ARR3: variants seen among roughly 807,000 people sequenced by gnomAD.
ARR3 encodes arrestin-C.
ARR3 carries 14 observed loss-of-function variants against 35.4 expected under a neutral mutation model. The ratio of observed to expected loss-of-function variants is 0.40; its 90% CI spans 0.26 to 0.62. ARR3 has a LOEUF of 0.62. Among genes scored for constraint, ARR3 ranks in the 20% least tolerant of loss-of-function variants. The pLI is 0.46. For synonymous variants in ARR3, 97 were observed against 119.1 expected (o/e 0.81, Z 1.21); for missense variants, 259 against 303.8 (o/e 0.85, Z 1.10).
intron 5 of ARR3, among the ~76,000 whole-genome samples, chrX:70,275,585 A>G (rs1447540134): frequency 2.7e-5 from 3 of 110,249 alleles, no homozygotes; most frequent in African/African-American, 6.6e-5. Context: ...AAGACTTTAT[A>G]AAGACTTTTA....
chrX:70,281,876 G>C (rs777133693), downstream of ARR3: 160 of 651,862 alleles, frequency 2.5e-4, no homozygotes, highest in South Asian at 4.4e-3. Flanking sequence ...CTTCCTGGAG[G>C]GTCACGGAAC....
intron 5 of ARR3, among the ~76,000 whole-genome samples, chrX:70,272,564 A>G (rs1177054646): frequency 8.9e-6 from 1 of 112,440 alleles, no homozygotes; most frequent in Non-Finnish European, 1.9e-5. Context: ...TGTAATGCAC[A>G]TCCTTTTCAT....
intron 16 of ARR3, among the ~76,000 whole-genome samples, 183 bp from the exon 17 acceptor site, chrX:70,281,493 G>A (rs755936845): frequency 3.6e-5 from 4 of 111,120 alleles, no homozygotes; most frequent in East Asian, 2.8e-4. Flanking sequence ...AAATTTGGGC[G>A]GGAATGAAAG....
chrX:70,276,253 G>T lies in ARR3; in HGVS notation c.317G>T (p.Gly106Val), dbSNP rs752825836. ...CAGGAGCGACTACTGCACAAGCTAG[G>T]GGACAATGCCTACCCCTTTACCCTG... Reference protein sequence around the residue: ...VLQERLLHKLGDNAYPFTLQM... With the variant: ...VLQERLLHKLVDNAYPFTLQM... The change falls in exon 6 of 17, where the codon GGG becomes GTG. Residue 106 changes from glycine (G) to valine (V), a missense_variant. Physicochemically the swap from Gly to Val is moderately radical, Grantham distance 109. Transcript: ENST00000307959. The T allele has an allele frequency of 2.7e-5, 33 of 1,210,147 alleles. No individual in the cohort carries two copies. In the Admixed American group the frequency reaches 5.0e-4, roughly 18 times the overall value.
At position 70,276,146 on chromosome X, in the gene ARR3, G is replaced by A. The variant is rs753394344; in HGVS notation, c.210G>A (p.Thr70=). The change falls in exon 6 of 17, where the codon ACG becomes ACA. Residue 70 remains threonine (T), a synonymous_variant. Coordinates refer to ENST00000307959, the MANE Select transcript of ARR3 (RefSeq NM_004312.3). The part of the protein sequence containing the change: ...GRDDLEVIGL[T]FRKDLYVQTL... ...ATGACTTGGAAGTGATTGGTCTGACGTTCCGAAAAGATCTGTATGTGCAGA... is the reference window on the plus strand; with the variant it reads ...ATGACTTGGAAGTGATTGGTCTGACATTCCGAAAAGATCTGTATGTGCAGA... The A allele has an allele frequency of 3.0e-5, 36 of 1,209,979 alleles. 1 individual carries two copies. In the South Asian group the frequency reaches 5.5e-4, roughly 18 times the overall value.
At chrX:70,281,242 T>C in intron 16 of ARR3, 134 bp downstream of exon 16, 3 of 809,881 alleles carry the variant, frequency 3.7e-6, no homozygotes, top group Non-Finnish European at 5.3e-6. Context: ...ATGGCTTAGC[T>C]TCGTGTCACA....
rs767718010 is a variant in ARR3, at chrX:70,278,187, G to C, written c.767+49G>C. On this transcript the variant is annotated intron_variant, in intron 11 of 16. Transcript: ENST00000307959. ...CCAGAGAGCCAAGGGGTGGGGTGGT[G>C]GGAAGAGGTCCAGGAGGCAGTTGAG... is the stretch of plus-strand genomic sequence containing the variant. The C allele has an allele frequency of 2.5e-5, 28 of 1,113,676 alleles. No homozygotes were observed. The Admixed American group carries it at 6.1e-4, about 24-fold the overall frequency. The allele number at this position is 1,113,676 out of a possible 1,213,427, so 91.8% of individuals were successfully genotyped here. A position where few individuals can be genotyped will look rare whatever the true frequency, so the allele number is the denominator to read the frequency against.
intron 5 of ARR3, 48 bp downstream of exon 5, chrX:70,270,192 C>T (rs752067180): frequency 5.2e-6 from 6 of 1,145,311 alleles, no homozygotes; most frequent in South Asian, 1.8e-5. Context: ...ACAGGTAACC[C>T]GATGAGTGGA....
At chrX:70,276,855 AC>A in intron 8 of ARR3, 119 bp downstream of exon 8, 3 of 649,792 alleles carry the variant, frequency 4.6e-6, no homozygotes, top group Non-Finnish European at 7.0e-6. Flanking sequence ...CACCAGTGAC[AC>A]CCGGTTCTGA....
At chrX:70,275,127 T>C (rs2085646719) in intron 5 of ARR3, among the ~76,000 whole-genome samples, 1 of 112,602 alleles carries the variant, frequency 8.9e-6, no homozygotes, top group African/African-American at 3.2e-5. Context: ...AGTCAACTTA[T>C]TAGCTCATAC....
At chrX:70,278,663 A>G in intron 12 of ARR3, 22 bp downstream of exon 12, 7 of 1,198,696 alleles carry the variant, frequency 5.8e-6, no homozygotes, top group Non-Finnish European at 7.9e-6. Flanking sequence ...TATAACTCTC[A>G]GCCTCCATTT....
intron 5 of ARR3, among the ~76,000 whole-genome samples, chrX:70,274,261 G>GTC (rs2085642875): frequency 9.5e-6 from 1 of 105,421 alleles, no homozygotes; most frequent in Admixed American, 1.0e-4. Flanking sequence ...GAGGGCAGTG[G>GTC]TGCAATCTCA....
In ARR3 at chrX:70,280,576, C is replaced by A; in HGVS notation, c.1007C>A (p.Thr336Lys). 8.3e-7 allele frequency: 1 copy of A among 1,203,050 alleles called. No homozygotes were observed. Among genetic ancestry groups the A allele is most frequent in the Non-Finnish European group, 1.1e-6 (1 of 891,519 alleles). The change falls in exon 14 of 17, where the codon ACA (threonine) becomes AAA (lysine). Residue 336 changes from threonine (T) to lysine (K), a missense_variant. Thr to Lys is a moderately conservative substitution (Grantham distance 78). Transcript: ENST00000307959. ...VSCGGILGDLTASDVGVELPL... is the reference protein window; with the variant it reads ...VSCGGILGDLKASDVGVELPL... Reference sequence around the variant, plus strand: ...ACCCACAGCATCCTAGGAGACCTGACAGCCAGGTGAGAGACTGTGGGGTGG... The same window carrying A: ...ACCCACAGCATCCTAGGAGACCTGAAAGCCAGGTGAGAGACTGTGGGGTGG...
chrX:70,269,926 A>C lies in ARR3; in HGVS notation c.100+23A>C, dbSNP rs748953247. On this transcript the variant is annotated intron_variant, in intron 4 of 16. Transcript: ENST00000307959. ...TTGGTCAGTGAGTCCAAAAAAGGGA[A>C]GCCTGGGGAAAGAGGAATGGAAACT... 3.3e-6 allele frequency: 4 copies of C among 1,203,884 alleles called. No homozygotes were observed. The South Asian group carries it at 7.2e-5, about 22-fold the overall frequency.
chrX:70,268,763 A>G (rs1252950012), intron 1 of ARR3, among the ~76,000 whole-genome samples: 3 of 112,205 alleles, frequency 2.7e-5, no homozygotes, highest in Non-Finnish European at 5.6e-5. Flanking sequence ...GAAGGCACCA[A>G]CCCCTTCTCT....
chrX:70,281,478 C>G (rs1434557198), intron 16 of ARR3, among the ~76,000 whole-genome samples, 198 bp from the exon 17 acceptor site: 2 of 110,611 alleles, frequency 1.8e-5, no homozygotes, highest in Admixed American at 1.9e-4. Flanking sequence ...GACTTTTGTG[C>G]TGGGAAATTT....
At chrX:70,268,879 C>CCATTCATT (rs58504509) in intron 1 of ARR3, among the ~76,000 whole-genome samples, 1,727 of 110,869 alleles carry the variant, frequency 0.016, 44 homozygotes, top group African/African-American at 0.054. Context: ...ATTGATTTGT[C>CCATTCATT]CATTCATTCA....
In ARR3 at chrX:70,281,807, G is replaced by GT. The variant is rs768940478; in HGVS notation, c.*42dup. On this transcript the variant is annotated 3_prime_UTR_variant, in exon 17 of 17. Coordinates refer to ENST00000307959, the MANE Select transcript of ARR3 (RefSeq NM_004312.3). ...GCCCGTCTGTGTGGGAGCCCCCACT[G>GT]TAACACTCTAATAAATCAGTTTGTT... 2 of 1,022,773 alleles carry GT rather than the reference G, an allele frequency of 2.0e-6. No homozygotes were observed. Among genetic ancestry groups the GT allele is most frequent in the Non-Finnish European group, 2.7e-6 (2 of 753,344 alleles). 84.3% of individuals were successfully genotyped at this position (1,022,773 alleles called of 1,213,427 possible).
chrX:70,276,002 C>G, intron 5 of ARR3, 80 bp from the exon 6 acceptor site: 1 of 1,060,878 alleles, frequency 9.4e-7, no homozygotes, highest in Non-Finnish European at 1.3e-6. Context: ...TACATCACCT[C>G]TCTGTGTCTT....
Sources: gnomAD v4.1 joint callset for allele counts (sites outside exome capture counted in the v4.1 genomes callset) on GRCh38, gnomAD v4.1.1 for gene constraint, MANE v1.5 for transcripts, NCBI Gene and HGNC (gene_info 2026-07-23, HGNC 2026-07-21) for gene names.